Variants in SMC3 observed in about 807,000 individuals in gnomAD.
SMC3 encodes the protein structural maintenance of chromosomes 3.
SMC3 carries 20 observed loss-of-function variants against 171.8 expected under a neutral mutation model. The observed-to-expected ratio is 0.12, with a 90% CI of 0.08 to 0.17. The LOEUF is 0.17. SMC3 is among the 10% of genes least tolerant of loss of function. The pLI is 1.00. For missense variants in SMC3, 543 were observed against 1,420.4 expected (o/e 0.38, Z 9.93); for synonymous variants, 464 against 451.1 (o/e 1.03, Z -0.36).
intron 22 of SMC3, 50 bp from the exon 23 acceptor site, chr10:110,600,972 T>C (rs766627228): frequency 2.2e-5 from 29 of 1,312,624 alleles, no homozygotes; most frequent in Non-Finnish European, 3.1e-5. Context: ...ATAGAAAATG[T>C]TGGCAGTCAT....
chr10:110,588,848 A>G (rs1464282571), intron 13 of SMC3, among the ~76,000 whole-genome samples: 1 of 152,136 alleles, frequency 6.6e-6, no homozygotes, highest in East Asian at 1.9e-4. Flanking sequence ...TTTTTCTTGA[A>G]TGTAAAATAG....
intron 8 of SMC3, 151 bp downstream of exon 8, chr10:110,581,172 A>G (rs1450770702): frequency 2.3e-5 from 15 of 661,088 alleles, no homozygotes; most frequent in Admixed American, 7.3e-5. Flanking sequence ...CATAACACCA[A>G]TGATGTTAGT....
rs141766844 is a variant in SMC3 at position 110,590,078 on chromosome 10, G to T, written c.1509+87G>T. 2.4e-4 allele frequency: 278 copies of T among 1,135,178 alleles called. No homozygotes were observed. In the African/African-American group the frequency reaches 3.6e-3, roughly 15 times the overall value. The allele number at this position is 1,135,178 out of a possible 1,614,324, so 70.3% of individuals were successfully genotyped here. On this transcript the variant is annotated intron_variant, in intron 15 of 28. Coordinates refer to ENST00000361804, the MANE Select transcript of SMC3 (RefSeq NM_005445.4). ...TAATTTTTTACCTTTCAAGGTGTAG[G>T]TCATGGGTTCCAAGTGATAAATAGG...
At chr10:110,593,524 AT>A (rs1449034757) in intron 18 of SMC3, among the ~76,000 whole-genome samples, 1 of 152,138 alleles carries the variant, frequency 6.6e-6, no homozygotes, top group Non-Finnish European at 1.5e-5. Flanking sequence ...GTGAGCCGAG[AT>A]CACGCCACTG....
chr10:110,579,810 G>A (rs899365794), intron 7 of SMC3, among the ~76,000 whole-genome samples: 15 of 152,160 alleles, frequency 9.9e-5, no homozygotes, highest in Admixed American at 5.9e-4. Flanking sequence ...ATTCTTTGAT[G>A]TAGATACTTT....
chr10:110,587,013 T>G (rs1406928831), intron 13 of SMC3, among the ~76,000 whole-genome samples: 1 of 152,248 alleles, frequency 6.6e-6, no homozygotes, highest in East Asian at 1.9e-4. Context: ...CAGTGTATTT[T>G]TAAAACCTGC....
In SMC3 at chr10:110,601,903, G is replaced by C; in HGVS notation, c.2892+19G>C. On this transcript the variant is annotated intron_variant, in intron 24 of 28. Transcript: ENST00000361804. ...CAAACAGGTTGGTTTTAAATTTGAAGTCTTGTTACAAATTGCTCAGTATAT... is the reference window on the plus strand; with the variant it reads ...CAAACAGGTTGGTTTTAAATTTGAACTCTTGTTACAAATTGCTCAGTATAT... The C allele has an allele frequency of 6.2e-7, 1 of 1,613,484 alleles. No individual in the cohort carries two copies. Among genetic ancestry groups the C allele is most frequent in the Non-Finnish European group, 8.5e-7 (1 of 1,179,584 alleles).
intron 21 of SMC3, 83 bp from the exon 22 acceptor site, chr10:110,600,356 A>G (rs1028870173): frequency 1.6e-5 from 12 of 761,830 alleles, no homozygotes; most frequent in East Asian, 4.9e-5. Flanking sequence ...CATGAGCACA[A>G]GTACTAGAGA....
At position 110,580,843 on chromosome 10, in the gene SMC3, G is replaced by T. The variant is rs945307558; in HGVS notation, c.430-61G>T. Reference sequence around the variant, plus strand: ...TGTGTATTAAAAACCTTTCAACGTGGAGTTCTTCTTCTTAAACGGAGGCTA... The same window carrying T: ...TGTGTATTAAAAACCTTTCAACGTGTAGTTCTTCTTCTTAAACGGAGGCTA... On this transcript the variant is annotated intron_variant, in intron 7 of 28. Coordinates refer to ENST00000361804, the MANE Select transcript of SMC3 (RefSeq NM_005445.4). 6 of 887,090 alleles carry T rather than the reference G, an allele frequency of 6.8e-6. No homozygotes were observed. The East Asian group carries it at 1.4e-4, about 21-fold the overall frequency. The allele number at this position is 887,090 out of a possible 1,614,324, so 55.0% of individuals were successfully genotyped here. A position where few individuals can be genotyped will look rare whatever the true frequency, so the allele number is the denominator to read the frequency against.
rs747912982 is a variant in SMC3 at position 110,600,395 on chromosome 10, G to A, written c.2428-44G>A. On this transcript the variant is annotated intron_variant, in intron 21 of 28. Transcript: ENST00000361804. ...CAGCAAATGAGCACCATTCCTGTGT[G>A]TGAAATGTACATGCTTATATAGACA... is the stretch of plus-strand genomic sequence containing the variant. 18 of 935,762 alleles carry A rather than the reference G, an allele frequency of 1.9e-5. No homozygotes were observed. The South Asian group carries it at 1.9e-4, about 10-fold the overall frequency. 58.0% of individuals were successfully genotyped at this position (935,762 alleles called of 1,614,324 possible). A position where few individuals can be genotyped will look rare whatever the true frequency, so the allele number is the denominator to read the frequency against.
chr10:110,571,863 T>G (rs1482851733), intron 2 of SMC3, among the ~76,000 whole-genome samples: 3 of 152,156 alleles, frequency 2.0e-5, no homozygotes, highest in Non-Finnish European at 4.4e-5. Context: ...AATCTGTTAT[T>G]CTCCTTCAGG....
In SMC3 at chr10:110,600,548, T is replaced by C; in HGVS notation, c.2535+2T>C. 6.9e-7 allele frequency: 1 copy of C among 1,446,286 alleles called. No homozygotes were observed. Among genetic ancestry groups the C allele is most frequent in the Non-Finnish European group, 9.7e-7 (1 of 1,028,738 alleles). 89.6% of individuals were successfully genotyped at this position (1,446,286 alleles called of 1,614,324 possible). ...AAACGCTTGGACCAAGTAGAACAGG[T>C]GTGTATGTGTTTTTTTTTTTTTTTT... On this transcript the variant is annotated splice_donor_variant, in intron 22 of 28. Transcript: ENST00000361804. LOFTEE classifies it high-confidence loss of function.
chr10:110,582,912 T>C (rs1197762936), intron 10 of SMC3, among the ~76,000 whole-genome samples: 2 of 149,458 alleles, frequency 1.3e-5, no homozygotes, highest in Non-Finnish European at 1.5e-5. Flanking sequence ...AAGTGGTCCT[T>C]CTGCCTCAGC....
intron 8 of SMC3, 25 bp downstream of exon 8, chr10:110,581,046 A>T (rs1004366816): frequency 1.5e-6 from 2 of 1,312,634 alleles, no homozygotes; most frequent in South Asian, 1.2e-5. Context: ...ATTCTGCCTT[A>T]TTTTTTTGTT....
At chr10:110,578,138 G>T (rs937603051) in intron 6 of SMC3, among the ~76,000 whole-genome samples, 4 of 151,884 alleles carry the variant, frequency 2.6e-5, no homozygotes, top group African/African-American at 9.7e-5. Context: ...CAGTGGCGCA[G>T]TCTCGGCTCA....
At position 110,584,315 on chromosome 10, in the gene SMC3, C is replaced by T. The variant is rs1157295347; in HGVS notation, c.1224C>T (p.Asp408=). 6.2e-7 allele frequency: 1 copy of T among 1,613,816 alleles called. No individual in the cohort carries two copies. Among genetic ancestry groups the T allele is most frequent in the Non-Finnish European group, 8.5e-7 (1 of 1,179,846 alleles). ...ELKSLDQAIN[D]KKRQIAAIHK... is the part of the protein sequence containing the mutation. Reference sequence around the variant, plus strand: ...AGTCTTTAGATCAGGCTATTAATGACAAGAAAAGACAGATTGCTGCTATAC... The same window carrying T: ...AGTCTTTAGATCAGGCTATTAATGATAAGAAAAGACAGATTGCTGCTATAC... Residue 408 remains aspartate, a synonymous_variant, in exon 13 of 29, where the codon GAC becomes GAT. Coordinates refer to ENST00000361804, the MANE Select transcript of SMC3 (RefSeq NM_005445.4).
chr10:110,593,018 T>C, intron 17 of SMC3, 55 bp from the exon 18 acceptor site: 1 of 1,365,924 alleles, frequency 7.3e-7, no homozygotes. Flanking sequence ...TTCATAATTC[T>C]AAGTTCTTAG....
chr10:110,601,787 T>C lies in SMC3; in HGVS notation c.2795T>C (p.Leu932Pro), dbSNP rs758156711. Residue 932 changes from leucine (L) to proline (P), a missense_variant, in exon 24 of 29, where the codon CTA becomes CCA. Leu to Pro is a moderately conservative substitution (Grantham distance 98). This residue lies in a region of SMC3 where 81 missense variants were observed against 184.2 expected (regional missense o/e 0.44). Coordinates refer to ENST00000361804, the MANE Select transcript of SMC3 (RefSeq NM_005445.4). ...LEKMTNRQGM[L>P]LKKKEECMKK... ...AAGATGACAAATCGGCAAGGCATGC[T>C]ATTGAAGAAGAAAGAAGAGTGTATG... is the stretch of plus-strand genomic sequence containing the variant. 6.2e-7 allele frequency: 1 copy of C among 1,613,868 alleles called. No individual in the cohort carries two copies. Among genetic ancestry groups the C allele is most frequent in the Non-Finnish European group, 8.5e-7 (1 of 1,179,884 alleles).
At chr10:110,579,303 TAGA>T (rs928575813) in intron 7 of SMC3, among the ~76,000 whole-genome samples, 13 of 152,216 alleles carry the variant, frequency 8.5e-5, no homozygotes, top group Non-Finnish European at 1.5e-4. Context: ...AGTTAGCATT[TAGA>T]AGAAGTGATT....
Sources: gnomAD v4.1 joint callset for allele counts (sites outside exome capture counted in the v4.1 genomes callset) on GRCh38, gnomAD v4.1.1 for gene constraint, gnomAD v4.1.1 regional missense constraint, MANE v1.5 for transcripts, NCBI Gene and HGNC (gene_info 2026-07-23, HGNC 2026-07-21) for gene names.